Variants in FCHSD1 observed in about 807,000 individuals in gnomAD.
The protein encoded by FCHSD1 is FCH and double SH3 domains 1.
Under a neutral mutation model 101.3 loss-of-function variants are expected in FCHSD1, and 109 were observed. The observed-to-expected ratio is 1.08, with a 90% CI of 0.92 to 1.26. The LOEUF (loss-of-function observed/expected upper bound fraction) is 1.26. Among genes scored for constraint, FCHSD1 ranks in the 50% most tolerant of loss-of-function variants. FCHSD1 has a pLI of 0.00. For synonymous variants in FCHSD1, 291 were observed against 356.8 expected (o/e 0.82, Z 2.08); for missense variants, 820 against 895.8 (o/e 0.92, Z 1.08).
chr5:141,639,470 T>C lies in FCHSD1; in HGVS notation c.*2028A>G. ...CCTCCTCCCTGCTGTCCAGTGTGGA[T>C]GCCACCTCCAGCCTGCAGGACGGAG... On this transcript the variant is annotated 3_prime_UTR_variant, in exon 20 of 20. Coordinates refer to ENST00000435817, the MANE Select transcript of FCHSD1 (RefSeq NM_033449.3). The surrounding 1 kb of genome is among the most constrained non-coding windows in gnomAD (Gnocchi z 4.4). 6.2e-7 allele frequency: 1 copy of C among 1,610,562 alleles called. No individual in the cohort carries two copies.
rs897529646 is a variant in FCHSD1, at chr5:141,649,527, T to G, written c.243A>C (p.Thr81=). 1 of 1,612,222 alleles carries G rather than the reference T, an allele frequency of 6.2e-7. No individual in the cohort carries two copies. Among genetic ancestry groups the G allele is most frequent in the African/African-American group, 1.3e-5 (1 of 74,906 alleles). The part of the protein sequence containing the change: ...RSGEMDSRGR[T]VFGAWRCLLD... ...GCAGGCAGCGCCAGGCACCGAACAC[T>G]GTCCTGCCCCTCCCCAGAGAAGGTC... Residue 81 remains threonine (T), a synonymous_variant, in exon 5 of 20, where the codon ACA becomes ACC. Transcript: ENST00000435817. This position sits in a 1 kb window ranked among gnomAD's most constrained non-coding sequence, Gnocchi z 4.1.
Position 141,645,038 on chromosome 5 carries a change from G to A in FCHSD1, c.1422C>T (p.His474=), listed in dbSNP as rs370799818. The part of the protein sequence containing the change: ...LATRALPCPA[H]VVFRYQAGRE... The stretch of plus-strand genomic sequence containing the variant: ...TTCATACCTGATAGCGAAATACCAC[G>A]TGTGCAGGGCAGGGGAGGGCCCTCG... Residue 474 remains histidine (H), a synonymous_variant, in exon 14 of 20, where the codon CAC becomes CAT. Coordinates refer to ENST00000435817, the MANE Select transcript of FCHSD1 (RefSeq NM_033449.3). 4.0e-5 allele frequency: 64 copies of A among 1,609,186 alleles called. No homozygotes were observed. The highest frequency in any genetic ancestry group is 5.5e-5 in the South Asian group (5 of 90,392).
At chr5:141,648,352 C>G (rs2099907929) in intron 7 of FCHSD1, among the ~76,000 whole-genome samples, 1 of 152,216 alleles carries the variant, frequency 6.6e-6, no homozygotes, top group African/African-American at 2.4e-5. Context: ...CGCAATCTCT[C>G]TGACCTCTTT....
Position 141,641,398 on chromosome 5 carries a change from T to C in FCHSD1, c.*100A>G. The C allele has an allele frequency of 8.6e-7, 1 of 1,156,720 alleles. No homozygotes were observed. The highest frequency in any genetic ancestry group is 2.7e-5 in the East Asian group (1 of 37,242). 71.7% of individuals were successfully genotyped at this position (1,156,720 alleles called of 1,614,324 possible). On this transcript the variant is annotated 3_prime_UTR_variant, in exon 20 of 20. Coordinates refer to ENST00000435817, the MANE Select transcript of FCHSD1 (RefSeq NM_033449.3). ...AGGTGAGGGTGGAAATAAGGGCGAT[T>C]CCAGCTTTTGGCTGTGTTGCTCTGG...
Position 141,639,538 on chromosome 5 carries a change from C to T in FCHSD1, c.*1960G>A. On this transcript the variant is annotated 3_prime_UTR_variant, in exon 20 of 20. Coordinates refer to ENST00000435817, the MANE Select transcript of FCHSD1 (RefSeq NM_033449.3). This position sits in a 1 kb window ranked among gnomAD's most constrained non-coding sequence, Gnocchi z 4.4. ...ACAGTGCACCTGGGCTCTGCAGCCC[C>T]TTGCCTCCATTGCAGCCGCAGCAAG... The T allele has an allele frequency of 6.2e-7, 1 of 1,614,098 alleles. No homozygotes were observed.
chr5:141,642,049 G>A lies in FCHSD1; in HGVS notation c.1952-292C>T, dbSNP rs555413085. 47 of 544,628 alleles carry A rather than the reference G, an allele frequency of 8.6e-5. No individual in the cohort carries two copies. In the Admixed American group the frequency reaches 9.2e-4, roughly 11 times the overall value. The allele number at this position is 544,628 out of a possible 1,614,324, so 33.7% of individuals were successfully genotyped here. On this transcript the variant is annotated intron_variant, in intron 18 of 19. Transcript: ENST00000435817. ...CAACAAACACAATAAATGACTAAGT[G>A]CTAAGTCATGCAAAGTGAACTTGGG...
chr5:141,646,859 G>A (rs900883324), intron 10 of FCHSD1, 137 bp from the exon 11 acceptor site: 2 of 1,318,702 alleles, frequency 1.5e-6, no homozygotes, highest in African/African-American at 3.0e-5. Flanking sequence ...CATGGACACA[G>A]GTAATGTGGA....
At position 141,640,192 on chromosome 5, in the gene FCHSD1, C is replaced by T. The variant is rs369892061; in HGVS notation, c.*1306G>A. The T allele has an allele frequency of 4.0e-5, 64 of 1,614,070 alleles. No homozygotes were observed. The highest frequency in any genetic ancestry group is 5.4e-5 in the Non-Finnish European group (64 of 1,180,018). Reference sequence around the variant, plus strand: ...GCACTTGAAGGGAACCCCAGAGCTTCTGCAGAGCCAACACTGAGGGCCGGA... The same window carrying T: ...GCACTTGAAGGGAACCCCAGAGCTTTTGCAGAGCCAACACTGAGGGCCGGA... On this transcript the variant is annotated 3_prime_UTR_variant, in exon 20 of 20. Transcript: ENST00000435817.
chr5:141,650,303 C>G (rs943615578), intron 3 of FCHSD1, 56 bp downstream of exon 3: 21 of 1,607,604 alleles, frequency 1.3e-5, no homozygotes, highest in Non-Finnish European at 1.7e-5. Context: ...ACAGACATTA[C>G]TGGTGATATA....
At chr5:141,642,704 T>C (rs998802586) in intron 18 of FCHSD1, 1 of 549,480 alleles carries the variant, frequency 1.8e-6, no homozygotes, top group Non-Finnish European at 3.2e-6. Flanking sequence ...GGCACAATGC[T>C]GTGTAGTCCA....
rs1246446522 is a variant in FCHSD1 at position 141,640,121 on chromosome 5, C to T, written c.*1377G>A. ...CACAGCCCCAGGTCCTAGCCAGCCC[C>T]CCAGTACAGAATGGAGGACTCAGGG... On this transcript the variant is annotated 3_prime_UTR_variant, in exon 20 of 20. Coordinates refer to ENST00000435817, the MANE Select transcript of FCHSD1 (RefSeq NM_033449.3). 6.2e-7 allele frequency: 1 copy of T among 1,614,012 alleles called. No individual in the cohort carries two copies. The highest frequency in any genetic ancestry group is 1.6e-4 in the Middle Eastern group (1 of 6,062).
chr5:141,644,826 A>C, intron 15 of FCHSD1, 33 bp downstream of exon 15: 3 of 1,610,198 alleles, frequency 1.9e-6, no homozygotes, highest in Non-Finnish European at 2.5e-6. Flanking sequence ...ACTGCCCCCA[A>C]CCCAAGGTCA....
rs773407413 is a variant in FCHSD1 at position 141,651,014 on chromosome 5, A to T, written c.119+6T>A. The T allele has an allele frequency of 5.7e-6, 9 of 1,577,408 alleles. No individual in the cohort carries two copies. Among genetic ancestry groups the T allele is most frequent in the Non-Finnish European group, 7.8e-6 (9 of 1,160,480 alleles). ...GAGTGTAAATGAAGGGGGTTGGGGGAGCTACCTGATGTCCTCCAGCAGATC... is the reference window on the plus strand; with the variant it reads ...GAGTGTAAATGAAGGGGGTTGGGGGTGCTACCTGATGTCCTCCAGCAGATC... On this transcript the variant is annotated splice_donor_region_variant and intron_variant, in intron 2 of 19. Transcript: ENST00000435817.
Position 141,649,341 on chromosome 5 carries a change from G to T in FCHSD1, c.376-33C>A, listed in dbSNP as rs1324746755. ...GATGCATACACAAAGTCCTTACCTA[G>T]ACCACCTTTGGTCCCAAGCCAGCTC... On this transcript the variant is annotated intron_variant, in intron 5 of 19. Coordinates refer to ENST00000435817, the MANE Select transcript of FCHSD1 (RefSeq NM_033449.3). The surrounding 1 kb of genome is among the most constrained non-coding windows in gnomAD (Gnocchi z 4.1). 1 of 1,613,840 alleles carries T rather than the reference G, an allele frequency of 6.2e-7. No individual in the cohort carries two copies. Among genetic ancestry groups the T allele is most frequent in the Admixed American group, 1.7e-5 (1 of 60,016 alleles).
chr5:141,651,370 T>A lies in FCHSD1; in HGVS notation c.-2A>T. On this transcript the variant is annotated 5_prime_UTR_variant, in exon 1 of 20. Transcript: ENST00000435817. ...CACTTTTCGGGGCGGCGGCTGCATC[T>A]CCGCTCCAGCAAGGCGGTCAGCCAC... 6.4e-7 allele frequency: 1 copy of A among 1,552,938 alleles called. No homozygotes were observed. Among genetic ancestry groups the A allele is most frequent in the Non-Finnish European group, 8.7e-7 (1 of 1,147,888 alleles).
Position 141,649,339 on chromosome 5 carries a change from T to C in FCHSD1, c.376-31A>G, listed in dbSNP as rs2099908072. On this transcript the variant is annotated intron_variant, in intron 5 of 19. Transcript: ENST00000435817. This position sits in a 1 kb window ranked among gnomAD's most constrained non-coding sequence, Gnocchi z 4.1. Reference sequence around the variant, plus strand: ...GGGATGCATACACAAAGTCCTTACCTAGACCACCTTTGGTCCCAAGCCAGC... The same window carrying C: ...GGGATGCATACACAAAGTCCTTACCCAGACCACCTTTGGTCCCAAGCCAGC... 6.2e-7 allele frequency: 1 copy of C among 1,613,952 alleles called. No homozygotes were observed. The highest frequency in any genetic ancestry group is 2.2e-5 in the East Asian group (1 of 44,882).
rs1002655990 is a variant in FCHSD1 at position 141,649,112 on chromosome 5, C to CTAGCCA, written c.512+59_512+60insTGGCTA. 3 of 1,613,678 alleles carry CTAGCCA rather than the reference C, an allele frequency of 1.9e-6. No homozygotes were observed. In the African/African-American group the frequency reaches 4.0e-5, roughly 22 times the overall value. On this transcript the variant is annotated intron_variant, in intron 6 of 19. Transcript: ENST00000435817. The surrounding 1 kb of genome is among the most constrained non-coding windows in gnomAD (Gnocchi z 4.1). The stretch of plus-strand genomic sequence containing the variant: ...CAGCTTTGGTGACTTGGCTCCACCC[C>CTAGCCA]TAGACAGCCCCACCTCCCTGTTCCC...
At chr5:141,641,940 T>A (rs756945719) in intron 18 of FCHSD1, 183 bp from the exon 19 acceptor site, 2 of 668,080 alleles carry the variant, frequency 3.0e-6, no homozygotes, top group Non-Finnish European at 2.6e-6. Context: ...TATAATCAGC[T>A]CTGCTCAAGG....
In FCHSD1 at chr5:141,649,492, G is replaced by T. The variant is rs769776835; in HGVS notation, c.278C>A (p.Thr93Asn). Residue 93 changes from threonine (T) to asparagine (N), a missense_variant, in exon 5 of 20, where the codon ACC (threonine) becomes AAC (asparagine). Transcript: ENST00000435817. This position sits in a 1 kb window ranked among gnomAD's most constrained non-coding sequence, Gnocchi z 4.1. The part of the protein sequence containing the change: ...FGAWRCLLDA[T>N]VAGGQTRLQA... ...GAGTCGGGTTTGGCCCCCAGCCACG[G>T]TGGCATCCAGCAGGCAGCGCCAGGC... 104 of 1,613,612 alleles carry T rather than the reference G, an allele frequency of 6.4e-5. No homozygotes were observed. The highest frequency in any genetic ancestry group is 8.1e-5 in the Non-Finnish European group (96 of 1,179,888).
Sources: gnomAD v4.1 joint callset for allele counts (sites outside exome capture counted in the v4.1 genomes callset) on GRCh38, gnomAD v4.1.1 for gene constraint, Gnocchi (gnomAD v3.1) non-coding constraint, MANE v1.5 for transcripts, NCBI Gene and HGNC (gene_info 2026-07-23, HGNC 2026-07-21) for gene names.